KATNBL1: variants seen among roughly 807,000 people sequenced by gnomAD.
The protein encoded by KATNBL1 is KATNB1-like protein 1.
A neutral mutation model predicts 44.7 loss-of-function variants in KATNBL1; 28 were observed. The ratio of observed to expected loss-of-function variants is 0.63; its 90% CI spans 0.46 to 0.86. The LOEUF is 0.86. Ranked by LOEUF, KATNBL1 falls within the 40% of genes least tolerant of loss-of-function variation. The pLI, the probability that KATNBL1 is intolerant of heterozygous loss-of-function variation, is 0.00. For missense variants in KATNBL1, 272 were observed against 350.7 expected (o/e 0.78, Z 1.79); for synonymous variants, 78 against 114.9 (o/e 0.68, Z 2.06).
intron 1 of KATNBL1, among the ~76,000 whole-genome samples, chr15:34,188,162 A>AAAAAAAAAAAAAAAAG (rs1567534700): frequency 6.7e-6 from 1 of 148,816 alleles, no homozygotes; most frequent in Non-Finnish European, 1.5e-5. Context: ...AAAAAAAAAA[A>AAAAAAAAAAAAAAAAG]AAAGAAAATT....
intron 1 of KATNBL1, among the ~76,000 whole-genome samples, chr15:34,188,661 T>C (rs1220971262): frequency 6.6e-6 from 1 of 152,254 alleles, no homozygotes; most frequent in Non-Finnish European, 1.5e-5. Context: ...TCTCCATTAG[T>C]TCTGTCCATG....
intron 2 of KATNBL1, among the ~76,000 whole-genome samples, chr15:34,158,609 T>C (rs763129458): frequency 2.0e-5 from 3 of 152,206 alleles, no homozygotes; most frequent in Non-Finnish European, 4.4e-5. Flanking sequence ...TTTGAAGACC[T>C]TGTTTGCTCC....
intron 2 of KATNBL1, among the ~76,000 whole-genome samples, chr15:34,160,546 T>C (rs1888768208): frequency 6.6e-6 from 1 of 152,208 alleles, no homozygotes; most frequent in Non-Finnish European, 1.5e-5. Context: ...TTACAGGTCT[T>C]TCATCTTTTC....
chr15:34,152,845 G>A lies in KATNBL1; in HGVS notation c.383C>T (p.Ser128Phe). Residue 128 changes from serine (S) to phenylalanine (F), a missense_variant, in exon 4 of 10, where the codon TCT (serine) becomes TTT (phenylalanine). Transcript: ENST00000256544. ...SRTYLVNSSDSGSSQTESPSS... is the reference protein window; with the variant it reads ...SRTYLVNSSDFGSSQTESPSS... ...TGGGCTTTCTGTCTGTGAAGAACCA[G>A]AATCACTGGAGTTAACCAAATATGT... 6.2e-7 allele frequency: 1 copy of A among 1,613,772 alleles called. No homozygotes were observed. The highest frequency in any genetic ancestry group is 1.7e-4 in the Middle Eastern group (1 of 6,056).
At chr15:34,166,017 T>A (rs1018953090) in intron 1 of KATNBL1, 1 of 152,394 alleles carries the variant, frequency 6.6e-6, no homozygotes, top group East Asian at 1.9e-4. Context: ...CCCAGGGTGA[T>A]CAACACAGAA....
At chr15:34,169,215 A>G (rs1313887156) in intron 1 of KATNBL1, among the ~76,000 whole-genome samples, 1 of 152,206 alleles carries the variant, frequency 6.6e-6, no homozygotes, top group African/African-American at 2.4e-5. Context: ...AGAAGAAAAC[A>G]GAGAAGAATC....
chr15:34,175,663 T>G (rs999410338), intron 1 of KATNBL1, among the ~76,000 whole-genome samples: 3 of 152,180 alleles, frequency 2.0e-5, no homozygotes, highest in African/African-American at 7.2e-5. Flanking sequence ...ATGGCTATAC[T>G]AAAAAAGACA....
At chr15:34,161,115 T>A (rs948695921) in intron 2 of KATNBL1, among the ~76,000 whole-genome samples, 1 of 152,124 alleles carries the variant, frequency 6.6e-6, no homozygotes, top group African/African-American at 2.4e-5. Context: ...GACTCAACAC[T>A]CGCTTTGCAC....
chr15:34,147,565 G>T (rs950125268), intron 5 of KATNBL1, 135 bp from the exon 6 acceptor site: 2 of 546,140 alleles, frequency 3.7e-6, no homozygotes, highest in Admixed American at 6.1e-5. Context: ...TCATGTCTGT[G>T]GATACAGCAA....
intron 8 of KATNBL1, 126 bp from the exon 9 acceptor site, chr15:34,145,617 A>T: frequency 1.2e-6 from 1 of 859,376 alleles, no homozygotes; most frequent in South Asian, 4.0e-5. Flanking sequence ...AAATGATGCT[A>T]TTTGAAATAA....
intron 1 of KATNBL1, among the ~76,000 whole-genome samples, chr15:34,200,610 A>G (rs888092706): frequency 1.3e-5 from 2 of 152,058 alleles, no homozygotes; most frequent in Admixed American, 6.6e-5. Flanking sequence ...TTTGAGAAAT[A>G]ACGTCAAACT....
rs76062366 is a variant in KATNBL1 at position 34,189,271 on chromosome 15, G to A, written c.-15+20680C>T. On this transcript the variant is annotated intron_variant, in intron 1 of 9. Transcript: ENST00000256544. ...AGTCCCAACCTCAGGTTATCCGCCC[G>A]CCTCAGCCTCCCAAAGTGCTGGGAT... 4.7e-3 allele frequency among the ~76,000 whole-genome samples: 713 copies of A among 152,280 alleles called. 19 individuals are homozygous for A. Among genetic ancestry groups the A allele is most frequent in the Admixed American group, 0.037 (565 of 15,292 alleles).
intron 4 of KATNBL1, among the ~76,000 whole-genome samples, chr15:34,149,848 A>G (rs1888415558): frequency 6.6e-6 from 1 of 152,246 alleles, no homozygotes; most frequent in South Asian, 2.1e-4. Flanking sequence ...AGCCTGGGAA[A>G]GACAGTGAGA....
intron 1 of KATNBL1, among the ~76,000 whole-genome samples, chr15:34,176,329 G>T (rs1889331781): frequency 6.6e-6 from 1 of 151,752 alleles, no homozygotes; most frequent in South Asian, 2.1e-4. Flanking sequence ...AGTGAGCCCA[G>T]ATCACGCCAT....
At chr15:34,191,154 CATATATATATATATATAT>C (rs57428240) in intron 1 of KATNBL1, among the ~76,000 whole-genome samples, 31 of 136,162 alleles carry the variant, frequency 2.3e-4, no homozygotes, top group African/African-American at 5.0e-4. Flanking sequence ...AATCATAGAC[CATATATATATATATATAT>C]ATATATATAT....
intron 1 of KATNBL1, among the ~76,000 whole-genome samples, chr15:34,193,108 T>C (rs1410037853): frequency 6.8e-6 from 1 of 148,084 alleles, no homozygotes; most frequent in African/African-American, 2.5e-5. Flanking sequence ...TCCCAGCTAC[T>C]CGGGAGGCTG....
chr15:34,207,872 G>C (rs961805369), intron 1 of KATNBL1, among the ~76,000 whole-genome samples: 1 of 152,076 alleles, frequency 6.6e-6, no homozygotes, highest in African/African-American at 2.4e-5. Flanking sequence ...CAAAGTGTTG[G>C]GATTACCAAC....
Position 34,174,666 on chromosome 15 carries a change from C to CT in KATNBL1, c.-14-10977dup, listed in dbSNP as rs926234713. On this transcript the variant is annotated intron_variant, in intron 1 of 9. Transcript: ENST00000256544. ...GAAAAAAGTATCATGCAAATACTAA[C>CT]TTTTTTTTTTTTCTTAATTCGCTTT... Among the ~76,000 whole-genome samples the CT allele has an allele frequency of 3.2e-3, 476 of 147,664 alleles. 1 individual carries two copies. Among genetic ancestry groups the CT allele is most frequent in the Middle Eastern group, 7.3e-3 (2 of 274 alleles).
chr15:34,197,913 A>G (rs1344810159), intron 1 of KATNBL1, among the ~76,000 whole-genome samples: 1 of 151,920 alleles, frequency 6.6e-6, no homozygotes, highest in Non-Finnish European at 1.5e-5. Context: ...ACACCCACCT[A>G]ATTTTTTTAT....
Sources: gnomAD v4.1 joint callset for allele counts (sites outside exome capture counted in the v4.1 genomes callset) on GRCh38, gnomAD v4.1.1 for gene constraint, MANE v1.5 for transcripts, NCBI Gene and HGNC (gene_info 2026-07-23, HGNC 2026-07-21) for gene names.